The following ITGA1 variants were observed in gnomAD, a reference collection of about 807,000 sequenced individuals.
The protein encoded by ITGA1 is integrin alpha-1.
Under a neutral mutation model 145.9 loss-of-function variants are expected in ITGA1, and 85 were observed. The observed-to-expected ratio is 0.58, with a 90% CI of 0.49 to 0.70. The LOEUF (loss-of-function observed/expected upper bound fraction) is 0.70, where lower values mean the gene tolerates loss of function less well. Among genes scored for constraint, ITGA1 ranks in the 30% least tolerant of loss-of-function variants. The pLI is 0.00. For missense variants in ITGA1, 1,351 were observed against 1,418.7 expected, an observed-to-expected ratio of 0.95 and a Z score of 0.77; for synonymous variants, 520 against 495.3, an observed-to-expected ratio of 1.05 and a Z score of -0.66.
At chr5:52,802,100 C>G (rs1748501013) in intron 1 of ITGA1, 1 of 361,282 alleles carries the variant, frequency 2.8e-6, no homozygotes, top group East Asian at 5.3e-5. Flanking sequence ...ATCTGTAGTA[C>G]TTGGAAACAG....
At chr5:52,807,554 A>T (rs1279191846) in intron 1 of ITGA1, among the ~76,000 whole-genome samples, 1 of 152,202 alleles carries the variant, frequency 6.6e-6, no homozygotes, top group Non-Finnish European at 1.5e-5. Context: ...GTAGGCAAAC[A>T]TGTATCTAAA....
chr5:52,887,152 GT>G (rs1750065631), intron 7 of ITGA1, among the ~76,000 whole-genome samples: 1 of 152,104 alleles, frequency 6.6e-6, no homozygotes, highest in African/African-American at 2.4e-5. Flanking sequence ...CAGGCCAAAT[GT>G]TTTGTAACTC....
intron 21 of ITGA1, among the ~76,000 whole-genome samples, chr5:52,930,960 G>A (rs1750886239): frequency 2.0e-5 from 3 of 152,122 alleles, no homozygotes; most frequent in Admixed American, 2.0e-4. Flanking sequence ...AGGCTGCAGT[G>A]TGGAATGGGT....
intron 1 of ITGA1, chr5:52,801,434 A>T (rs1170524358): frequency 2.5e-6 from 4 of 1,613,664 alleles, no homozygotes; most frequent in Middle Eastern, 1.7e-4. Context: ...GGACACAAGT[A>T]CTCCCTGAAA....
rs751889687 is a variant in ITGA1, at chr5:52,944,974, G to A, written c.3317G>A (p.Arg1106Lys). 1.9e-6 allele frequency: 3 copies of A among 1,613,068 alleles called. No homozygotes were observed. The highest frequency in any genetic ancestry group is 2.5e-6 in the Non-Finnish European group (3 of 1,179,512). The change falls in exon 27 of 29, where the codon AGG becomes AAG. Residue 1106 changes from arginine to lysine, a missense_variant. Physicochemically the swap from Arg to Lys is conservative, Grantham distance 26. Coordinates refer to ENST00000282588, the MANE Select transcript of ITGA1 (RefSeq NM_181501.2). ...SYFSSLNLTI[R>K]GELRSENASL... ...TTTTCCAGCTTAAATCTTACTATAA[G>A]GGGAGAACTTCGGAGTGAAAATGCA...
intron 23 of ITGA1, among the ~76,000 whole-genome samples, chr5:52,935,299 G>A (rs183090636): frequency 6.6e-6 from 1 of 151,972 alleles, no homozygotes; most frequent in East Asian, 1.9e-4. Flanking sequence ...GAAATTTTTG[G>A]TGATAGAAAC....
intron 7 of ITGA1, among the ~76,000 whole-genome samples, chr5:52,885,791 G>C (rs1561237294): frequency 6.6e-6 from 1 of 152,220 alleles, no homozygotes; most frequent in Non-Finnish European, 1.5e-5. Context: ...CTGGTGGAAA[G>C]TTAGAGGTTA....
At chr5:52,950,712 A>G (rs2111915088) in intron 28 of ITGA1, among the ~76,000 whole-genome samples, 1 of 152,360 alleles carries the variant, frequency 6.6e-6, no homozygotes, top group African/African-American at 2.4e-5. Flanking sequence ...CTTAGATAAC[A>G]GAAGTTATTT....
intron 2 of ITGA1, among the ~76,000 whole-genome samples, chr5:52,854,543 AG>A (rs1265730107): frequency 6.6e-6 from 1 of 152,206 alleles, no homozygotes; most frequent in Non-Finnish European, 1.5e-5. Flanking sequence ...TTATTTAAAA[AG>A]AAATTGGCGA....
chr5:52,939,250 T>A (rs183668932), intron 24 of ITGA1, among the ~76,000 whole-genome samples: 45 of 148,078 alleles, frequency 3.0e-4, no homozygotes, highest in African/African-American at 1.1e-3. Flanking sequence ...TCTCTCTCTG[T>A]AGTATAGAAT....
chr5:52,881,785 T>C, intron 6 of ITGA1, 88 bp from the exon 7 acceptor site: 1 of 1,241,416 alleles, frequency 8.1e-7, no homozygotes, highest in Non-Finnish European at 1.1e-6. Flanking sequence ...ATCTGAAATG[T>C]ATTATATCTG....
chr5:52,809,967 A>G (rs954533770), intron 1 of ITGA1, among the ~76,000 whole-genome samples: 1 of 152,210 alleles, frequency 6.6e-6, no homozygotes, highest in Non-Finnish European at 1.5e-5. Context: ...AAAATCAAAT[A>G]CAGACCAGGG....
intron 20 of ITGA1, 34 bp downstream of exon 20, chr5:52,927,698 G>T: frequency 7.4e-7 from 1 of 1,347,920 alleles, no homozygotes; most frequent in Non-Finnish European, 1.1e-6. Context: ...TGTAGAAATT[G>T]AATATGAAAA....
chr5:52,788,542 G>A, intron 1 of ITGA1, 128 bp downstream of exon 1: 1 of 714,850 alleles, frequency 1.4e-6, no homozygotes, highest in Non-Finnish European at 2.1e-6. Context: ...GGCATTCCAG[G>A]TACTCAGGCC....
chr5:52,817,659 C>G (rs1234637225), intron 1 of ITGA1, among the ~76,000 whole-genome samples: 1 of 152,170 alleles, frequency 6.6e-6, no homozygotes, highest in East Asian at 1.9e-4. Flanking sequence ...AAAAATAATG[C>G]AGTCAGAATA....
chr5:52,878,022 A>C (rs1451945458), intron 6 of ITGA1, among the ~76,000 whole-genome samples: 1 of 152,188 alleles, frequency 6.6e-6, no homozygotes, highest in Non-Finnish European at 1.5e-5. Flanking sequence ...GGAAAGTGTA[A>C]TTTCAAGTGG....
intron 2 of ITGA1, among the ~76,000 whole-genome samples, chr5:52,853,851 G>T (rs1335128632): frequency 6.6e-6 from 1 of 152,176 alleles, no homozygotes; most frequent in East Asian, 1.9e-4. Context: ...TCATAATTTT[G>T]CTTTGAGGAA....
At chr5:52,794,228 A>G (rs1220848129) in intron 1 of ITGA1, among the ~76,000 whole-genome samples, 2 of 151,954 alleles carry the variant, frequency 1.3e-5, no homozygotes, top group African/African-American at 4.8e-5. Flanking sequence ...AAATAAATGC[A>G]AATTCTTAAA....
chr5:52,849,500 TTTG>T lies in ITGA1; in HGVS notation c.182+24_182+26del. 6.3e-7 allele frequency: 1 copy of T among 1,577,480 alleles called. No individual in the cohort carries two copies. The highest frequency in any genetic ancestry group is 8.6e-7 in the Non-Finnish European group (1 of 1,156,320). The stretch of plus-strand genomic sequence containing the variant: ...GAAGGAAAATGGTAAGCCAGTGGGT[TTTG>T]TTGTTGTTATTTACTTATTTCACAA... On this transcript the variant is annotated intron_variant, in intron 2 of 28. Transcript: ENST00000282588.
Sources: allele counts gnomAD v4.1 joint callset (sites outside exome capture counted in the v4.1 genomes callset), GRCh38; gene constraint gnomAD v4.1.1; transcripts MANE v1.5; gene names NCBI Gene and HGNC (gene_info 2026-07-23, HGNC 2026-07-21).